Variants in FBXW10B observed in about 807,000 individuals in gnomAD.
FBXW10B encodes F-box and WD repeat domain containing 10B, also known as F-box and WD repeat domain containing protein 10B.
chr17:15,619,479 G>A, the FBXW10B span: 8 of 1,613,408 alleles, frequency 5.0e-6, no homozygotes, highest in Non-Finnish European at 5.1e-6. Context: ...CGAAAATAGG[G>A]GGCATTCTTG....
At chr17:15,574,067 G>C in the FBXW10B span, 7 of 695,682 alleles carry the variant, frequency 1.0e-5, no homozygotes, top group Non-Finnish European at 1.8e-5. Flanking sequence ...GGAATGTCTC[G>C]TCTTCTTCAT....
the FBXW10B span, among the ~76,000 whole-genome samples, chr17:15,584,815 C>A: frequency 1.3e-5 from 2 of 152,182 alleles, no homozygotes; most frequent in Admixed American, 1.3e-4. Context: ...GTGACTTCAA[C>A]AAAGGTCAGA....
chr17:15,605,336 T>A, the FBXW10B span: 5 of 1,595,464 alleles, frequency 3.1e-6, no homozygotes, highest in Non-Finnish European at 4.3e-6. Context: ...CTTTCACTTG[T>A]ATGATGTCCA....
At chr17:15,586,800 G>A in the FBXW10B span, among the ~76,000 whole-genome samples, 1 of 151,516 alleles carries the variant, frequency 6.6e-6, no homozygotes, top group Admixed American at 6.6e-5. Context: ...TGATGCAGGA[G>A]GTTAATAGAC....
chr17:15,567,509 T>C, the FBXW10B span, among the ~76,000 whole-genome samples: 68,226 of 151,870 alleles, frequency 0.45, 17,314 homozygotes, highest in Non-Finnish European at 0.58. Flanking sequence ...ATAGATTTTT[T>C]TATTACTTAG....
chr17:15,593,493 T>C, the FBXW10B span: 1 of 1,614,140 alleles, frequency 6.2e-7, no homozygotes, highest in Non-Finnish European at 8.5e-7. Flanking sequence ...GTCGAGCACC[T>C]CTCTGGAAGG....
chr17:15,599,402 G>C, the FBXW10B span, among the ~76,000 whole-genome samples: 2 of 132,346 alleles, frequency 1.5e-5, no homozygotes, highest in African/African-American at 6.0e-5. Context: ...AGGCCCCACA[G>C]TAAAGAATTT....
At chr17:15,567,305 G>A in the FBXW10B span, among the ~76,000 whole-genome samples, 16,532 of 149,698 alleles carry the variant, frequency 0.11, 1,060 homozygotes, top group Middle Eastern at 0.18. Context: ...AAATCAAGAT[G>A]TCAAAATCTT....
At chr17:15,566,881 A>G in the FBXW10B span, among the ~76,000 whole-genome samples, 1 of 151,846 alleles carries the variant, frequency 6.6e-6, no homozygotes, top group Non-Finnish European at 1.5e-5. Context: ...CAAGTTTTTA[A>G]TAAAATGCTA....
At chr17:15,579,946 G>A in the FBXW10B span, among the ~76,000 whole-genome samples, 2 of 151,494 alleles carry the variant, frequency 1.3e-5, no homozygotes, top group South Asian at 4.2e-4. Context: ...TCATAGAAAT[G>A]TGTGGACCAA....
chr17:15,583,932 T>C, the FBXW10B span, among the ~76,000 whole-genome samples: 47 of 152,214 alleles, frequency 3.1e-4, no homozygotes, highest in Non-Finnish European at 3.2e-4. Flanking sequence ...GCTTTGTTTT[T>C]AATGTCACAG....
chr17:15,588,807 A>G, the FBXW10B span: 3 of 1,356,442 alleles, frequency 2.2e-6, no homozygotes, highest in Non-Finnish European at 3.2e-6. Context: ...AGTGTGATTG[A>G]GTTGAGTTGG....
At chr17:15,615,611 C>A in the FBXW10B span, 4 of 1,613,268 alleles carry the variant, frequency 2.5e-6, no homozygotes, top group Non-Finnish European at 3.4e-6. Flanking sequence ...CCGCACCTAG[C>A]CCATATTGGC....
the FBXW10B span, among the ~76,000 whole-genome samples, chr17:15,608,038 C>A: frequency 6.6e-6 from 1 of 151,570 alleles, no homozygotes; most frequent in Admixed American, 6.6e-5. Flanking sequence ...GCCCTTTGAC[C>A]GACCATTTCA....
the FBXW10B span, chr17:15,615,595 G>C: frequency 3.1e-6 from 5 of 1,609,398 alleles, no homozygotes; most frequent in Admixed American, 8.4e-5. Context: ...TTACAGGCGT[G>C]AGCCACCGCA....
the FBXW10B span, among the ~76,000 whole-genome samples, chr17:15,612,042 T>G: frequency 2.4e-4 from 37 of 152,222 alleles, no homozygotes; most frequent in Admixed American, 9.2e-4. Context: ...AGATGCTGGA[T>G]CCTCCAGAGG....
At chr17:15,614,705 T>TGGGG in the FBXW10B span, among the ~76,000 whole-genome samples, 2 of 152,206 alleles carry the variant, frequency 1.3e-5, no homozygotes, top group African/African-American at 4.8e-5. Context: ...GCCAGTGCTA[T>TGGGG]GTGGGTGGGT....
At chr17:15,604,691 C>T in the FBXW10B span, among the ~76,000 whole-genome samples, 6 of 152,080 alleles carry the variant, frequency 3.9e-5, no homozygotes, top group Admixed American at 2.6e-4. Flanking sequence ...CCCGCCACCA[C>T]GCCCAGCTAA....
chr17:15,604,487 A>G, the FBXW10B span, among the ~76,000 whole-genome samples: 1 of 152,144 alleles, frequency 6.6e-6, no homozygotes, highest in Admixed American at 6.5e-5. Flanking sequence ...GGCCTGAGTA[A>G]TGGACGCATG....
Sources: gnomAD v4.1 joint callset for allele counts (sites outside exome capture counted in the v4.1 genomes callset) on GRCh38, gnomAD v4.1.1 for gene constraint, MANE v1.5 for transcripts, NCBI Gene and HGNC (gene_info 2026-07-23, HGNC 2026-07-21) for gene names.